The following MIS18A variants were observed in gnomAD, a reference collection of about 807,000 sequenced individuals.
MIS18A encodes protein Mis18-alpha.
Under a neutral mutation model 25.0 loss-of-function variants are expected in MIS18A, and 14 were observed. The ratio of observed to expected loss-of-function variants is 0.56; its 90% CI spans 0.37 to 0.88. The LOEUF (loss-of-function observed/expected upper bound fraction) is 0.88. Among genes scored for constraint, MIS18A ranks in the 40% least tolerant of loss-of-function variants. The pLI is 0.00. For missense variants in MIS18A, 292 were observed against 290.8 expected, an observed-to-expected ratio of 1.00 and a Z score of -0.03; for synonymous variants, 134 against 118.6, an observed-to-expected ratio of 1.13 and a Z score of -0.84.
chr21:32,160,756 C>A, the MIS18A span, among the ~76,000 whole-genome samples: 1 of 151,936 alleles, frequency 6.6e-6, no homozygotes, highest in African/African-American at 2.4e-5. Flanking sequence ...CTCAGCCTCC[C>A]GAGTAGCTGG....
the MIS18A span, among the ~76,000 whole-genome samples, chr21:32,249,388 G>C: frequency 2.0e-5 from 3 of 152,198 alleles, no homozygotes; most frequent in African/African-American, 7.2e-5. Context: ...AGACAGCACA[G>C]GTGCAGTGAG....
Position 32,269,420 on chromosome 21 carries a change from T to C in MIS18A, c.621+287A>G, listed in dbSNP as rs555935651. Among the ~76,000 whole-genome samples, 3 of 152,322 alleles carry C rather than the reference T, an allele frequency of 2.0e-5. No homozygotes were observed. In the East Asian group the frequency reaches 5.8e-4, roughly 29 times the overall value. ...AACAAGGCTATTTATACCACAAGAA[T>C]TGAATCAAACAAAATACTGATTTGA... On this transcript the variant is annotated intron_variant, in intron 4 of 4. Transcript: ENST00000290130.
At chr21:32,244,218 C>T in the MIS18A span, among the ~76,000 whole-genome samples, 20 of 151,902 alleles carry the variant, frequency 1.3e-4, no homozygotes, top group Non-Finnish European at 2.9e-4. Context: ...AAAACCATAG[C>T]GACAGAAGAA....
chr21:32,243,162 C>A, the MIS18A span, among the ~76,000 whole-genome samples: 1 of 152,116 alleles, frequency 6.6e-6, no homozygotes, highest in Non-Finnish European at 1.5e-5. Flanking sequence ...GAAGCAAACA[C>A]AGGAGAAAAT....
chr21:32,275,680 G>A (rs2061410841), intron 1 of MIS18A, among the ~76,000 whole-genome samples: 1 of 152,078 alleles, frequency 6.6e-6, no homozygotes, highest in South Asian at 2.1e-4. Context: ...TTGATTTCAC[G>A]GCCTCCTACA....
At chr21:32,235,317 C>G in the MIS18A span, among the ~76,000 whole-genome samples, 2 of 152,196 alleles carry the variant, frequency 1.3e-5, no homozygotes, top group African/African-American at 4.8e-5. Context: ...GGGTACAACT[C>G]TGAGGTGTGA....
chr21:32,222,113 GA>G, the MIS18A span, among the ~76,000 whole-genome samples: 1 of 148,676 alleles, frequency 6.7e-6, no homozygotes, highest in East Asian at 2.0e-4. Flanking sequence ...CAAGCAAATG[GA>G]AAGAAAAAAA....
chr21:32,265,733 G>T (rs961382048), downstream of MIS18A, among the ~76,000 whole-genome samples: 19 of 152,368 alleles, frequency 1.2e-4, no homozygotes, highest in African/African-American at 3.1e-4. Context: ...GGCACAGGAC[G>T]GGCAGGCAGC....
the MIS18A span, among the ~76,000 whole-genome samples, chr21:32,160,867 G>A: frequency 1.9e-4 from 29 of 152,278 alleles, no homozygotes; most frequent in South Asian, 6.0e-3. Context: ...CCAACCTCAG[G>A]TGATCCGCCT....
chr21:32,224,810 T>C, the MIS18A span, among the ~76,000 whole-genome samples: 49 of 148,604 alleles, frequency 3.3e-4, no homozygotes, highest in Non-Finnish European at 6.1e-4. Flanking sequence ...AAAAAGAGCC[T>C]GCATCGCCAA....
At chr21:32,164,087 C>A in the MIS18A span, among the ~76,000 whole-genome samples, 2 of 152,060 alleles carry the variant, frequency 1.3e-5, no homozygotes, top group African/African-American at 4.8e-5. Flanking sequence ...AGGACTGCAC[C>A]AAGCCATTCT....
At chr21:32,197,217 C>T in the MIS18A span, among the ~76,000 whole-genome samples, 2 of 152,220 alleles carry the variant, frequency 1.3e-5, no homozygotes, top group Non-Finnish European at 1.5e-5. Context: ...AAGCCAAGCA[C>T]CTTCTTCACA....
At chr21:32,218,292 G>A in the MIS18A span, among the ~76,000 whole-genome samples, 2 of 151,448 alleles carry the variant, frequency 1.3e-5, no homozygotes, top group African/African-American at 4.9e-5. Flanking sequence ...TCCAGCTGAA[G>A]TGATAAGACA....
intron 2 of MIS18A, among the ~76,000 whole-genome samples, chr21:32,272,756 T>C (rs146642178): frequency 1.5e-3 from 229 of 152,352 alleles, no homozygotes; most frequent in African/African-American, 5.0e-3. Context: ...TTTGAGTTGA[T>C]TTAATTTTAA....
the MIS18A span, among the ~76,000 whole-genome samples, chr21:32,204,238 C>T: frequency 0.018 from 2,709 of 152,196 alleles, 86 homozygotes; most frequent in African/African-American, 0.061. Flanking sequence ...GTGGCTCACG[C>T]CTGCAATCCC....
chr21:32,179,260 C>T, the MIS18A span, among the ~76,000 whole-genome samples: 2 of 152,108 alleles, frequency 1.3e-5, no homozygotes, highest in South Asian at 2.1e-4. Context: ...GTACTCAAAG[C>T]GAAGGCCAAG....
chr21:32,260,601 G>C, the MIS18A span: 1 of 152,778 alleles, frequency 6.5e-6, no homozygotes, highest in African/African-American at 2.4e-5. Flanking sequence ...GAAGCAGGAG[G>C]AAGGTGAACT....
At chr21:32,205,865 G>C in the MIS18A span, among the ~76,000 whole-genome samples, 6 of 152,160 alleles carry the variant, frequency 3.9e-5, no homozygotes, top group African/African-American at 1.4e-4. Context: ...AAGGGAGCAA[G>C]AAAGGTCAGA....
chr21:32,155,193 CAAAT>C, the MIS18A span, among the ~76,000 whole-genome samples: 1 of 151,974 alleles, frequency 6.6e-6, no homozygotes, highest in Non-Finnish European at 1.5e-5. Context: ...GCAAAAGTGA[CAAAT>C]AATAGTTTAG....
Sources: gnomAD v4.1 joint callset for allele counts (sites outside exome capture counted in the v4.1 genomes callset) on GRCh38, gnomAD v4.1.1 for gene constraint, MANE v1.5 for transcripts, NCBI Gene and HGNC (gene_info 2026-07-23, HGNC 2026-07-21) for gene names.